The following MLH3 variants were observed in gnomAD, a reference collection of about 807,000 sequenced individuals.
MLH3 encodes the protein DNA mismatch repair protein Mlh3.
MLH3 carries 82 observed loss-of-function variants against 122.2 expected under a neutral mutation model. The ratio of observed to expected loss-of-function variants is 0.67; its 90% confidence interval spans 0.56 to 0.81. MLH3 has a LOEUF of 0.81. MLH3 is among the 30% of genes least tolerant of loss of function. MLH3 has a pLI of 0.00. For synonymous variants in MLH3, 524 were observed against 599.5 expected (o/e 0.87, Z 1.84); for missense variants, 1,539 against 1,714.5 (o/e 0.90, Z 1.81).
chr14:75,022,113 T>C (rs930641030), intron 11 of MLH3, among the ~76,000 whole-genome samples: 3 of 152,138 alleles, frequency 2.0e-5, no homozygotes, highest in Admixed American at 6.5e-5. Flanking sequence ...GAGCCAAACA[T>C]TGAATACACA....
At position 75,046,949 on chromosome 14, in the gene MLH3, C is replaced by G. The variant is rs754359771; in HGVS notation, c.2707G>C (p.Asp903His). The change falls in exon 2 of 13, where the codon GAT (aspartate) becomes CAT (histidine). Residue 903 changes from aspartate (D) to histidine (H), a missense_variant. Physicochemically the swap from Asp to His is moderately conservative, Grantham distance 81. Transcript: ENST00000355774. ...MSRFNELPNS[D>H]SSRKDSKLCS... is the part of the protein sequence containing the mutation. ...AACTTGCTGTCTTTCCTACTGGAATCTGAATTTGGAAGTTCATTAAAACGA... is the reference window on the plus strand; with the variant it reads ...AACTTGCTGTCTTTCCTACTGGAATGTGAATTTGGAAGTTCATTAAAACGA... 1 of 1,614,136 alleles carries G rather than the reference C, an allele frequency of 6.2e-7. No homozygotes were observed. Among genetic ancestry groups the G allele is most frequent in the Non-Finnish European group, 8.5e-7 (1 of 1,180,004 alleles).
In MLH3 at chr14:75,048,597, T is replaced by C; in HGVS notation, c.1059A>G (p.Leu353=). 6.2e-7 allele frequency: 1 copy of C among 1,614,008 alleles called. No homozygotes were observed. Among genetic ancestry groups the C allele is most frequent in the Non-Finnish European group, 8.5e-7 (1 of 1,179,968 alleles). The change falls in exon 2 of 13, where the codon TTA becomes TTG. Residue 353 remains leucine (L), a synonymous_variant. Coordinates refer to ENST00000355774, the MANE Select transcript of MLH3 (RefSeq NM_001040108.2). ...GVKMFLKQEK[L]FVELSGEDIK... ...TATCCTCACCTGATAATTCCACAAA[T>C]AATTTTTCTTGCTTTAAAAACATTT...
At position 75,015,974 on chromosome 14, in the gene MLH3, A is replaced by AC. The variant is rs1428690181; in HGVS notation, c.*1107_*1108insG. ...CATTGCATCATCTTACTAATTGTAT[A>AC]GCACCCCAGTTGCAATAAACATTAC... is the stretch of plus-strand genomic sequence containing the variant. On this transcript the variant is annotated 3_prime_UTR_variant, in exon 13 of 13. Coordinates refer to ENST00000355774, the MANE Select transcript of MLH3 (RefSeq NM_001040108.2). The AC allele has an allele frequency of 4.3e-6, 1 of 231,828 alleles. No individual in the cohort carries two copies. Among genetic ancestry groups the AC allele is most frequent in the Non-Finnish European group, 8.5e-6 (1 of 117,252 alleles). 14.4% of individuals were successfully genotyped at this position (231,828 alleles called of 1,614,324 possible). A position where few individuals can be genotyped will look rare whatever the true frequency, so the allele number is the denominator to read the frequency against.
chr14:75,021,624 G>A (rs960913977), intron 11 of MLH3, among the ~76,000 whole-genome samples: 4 of 152,150 alleles, frequency 2.6e-5, no homozygotes, highest in African/African-American at 4.8e-5. Flanking sequence ...AAATCACAGT[G>A]ACATACCATC....
rs145063005 is a variant in MLH3, at chr14:75,039,846, CATATATATATATATATATAT to C, written c.3570+45_3570+64del. On this transcript the variant is annotated intron_variant, in intron 5 of 12. Transcript: ENST00000355774. ...AAATCAAATTTTAGAAGAGTTAGGC[CATATATATATATATATATAT>C]ATATATATATATATATTTATGAGAT... 0.038 allele frequency: 11,962 copies of C among 317,848 alleles called. 1,309 individuals carry two copies. The highest frequency in any genetic ancestry group is 0.043 in the Non-Finnish European group (8,634 of 199,714). The allele number at this position is 317,848 out of a possible 1,614,324, so 19.7% of individuals were successfully genotyped here. A position where few individuals can be genotyped will look rare whatever the true frequency, so the allele number is the denominator to read the frequency against.
In MLH3 at chr14:75,048,891, G is replaced by A; in HGVS notation, c.765C>T (p.Asn255=). The change falls in exon 2 of 13, where the codon AAC becomes AAT. Residue 255 remains asparagine (N), a synonymous_variant. Coordinates refer to ENST00000355774, the MANE Select transcript of MLH3 (RefSeq NM_001040108.2). ...YNKNMQFLFV[N]KRLVLRTKLH... is the part of the protein sequence containing the mutation. The stretch of plus-strand genomic sequence containing the variant: ...GCTTTGTCCTTAAAACTAGTCTTTT[G>A]TTCACAAACAAAAACTGCATATTCT... 1 of 1,613,710 alleles carries A rather than the reference G, an allele frequency of 6.2e-7. No homozygotes were observed. The highest frequency in any genetic ancestry group is 1.7e-4 in the Middle Eastern group (1 of 6,060).
intron 9 of MLH3, among the ~76,000 whole-genome samples, chr14:75,025,620 C>G (rs1179411550): frequency 2.6e-5 from 4 of 152,152 alleles, no homozygotes; most frequent in Non-Finnish European, 5.9e-5. Flanking sequence ...CCATATTCTC[C>G]CTGGACAACC....
chr14:75,041,692 C>T lies in MLH3; in HGVS notation c.3388G>A (p.Asp1130Asn), dbSNP rs775592318. The T allele has an allele frequency of 9.3e-6, 15 of 1,613,112 alleles. No individual in the cohort carries two copies. The highest frequency in any genetic ancestry group is 1.2e-5 in the Non-Finnish European group (14 of 1,179,174). The part of the protein sequence containing the change: ...VMRQDNRDTV[D>N]DTVSSESLQS... ...AGCGATTCGCTACTAACAGTATCAT[C>T]CACAGTATCTAGGGCAAAAGGGAAC... The change falls in exon 4 of 13, where the codon GAT (aspartate) becomes AAT (asparagine). Residue 1130 changes from aspartate (D) to asparagine (N), a missense_variant. Asp to Asn is a conservative substitution (Grantham distance 23). Transcript: ENST00000355774.
rs763010714 is a variant in MLH3, at chr14:75,038,396, T to C, written c.3587A>G (p.Asp1196Gly). The change falls in exon 6 of 13, where the codon GAT (aspartate) becomes GGT (glycine). Residue 1196 changes from aspartate (D) to glycine (G), a missense_variant. Transcript: ENST00000355774. The part of the protein sequence containing the change: ...IHSMQVLQQV[D>G]NKFIACLMST... ...CATCAAACAGGCAATAAACTTGTTA[T>C]CTACTTGCTGGAGAACCTGTCAGAC... 1.2e-6 allele frequency: 2 copies of C among 1,613,024 alleles called. No individual in the cohort carries two copies. Among genetic ancestry groups the C allele is most frequent in the Non-Finnish European group, 1.7e-6 (2 of 1,179,050 alleles).
At chr14:75,034,843 C>CACTTGAGGTCAGGAATTCAAGATCAGCTG (rs1414921643) in intron 6 of MLH3, among the ~76,000 whole-genome samples, 2 of 151,830 alleles carry the variant, frequency 1.3e-5, no homozygotes, top group African/African-American at 4.8e-5. Context: ...GAGGGCAGAT[C>CACTTGAGGTCAGGAATTCAAGATCAGCTG]ACTTGAGGTC....
intron 11 of MLH3, among the ~76,000 whole-genome samples, chr14:75,019,743 CCTAAT>C (rs1307263563): frequency 6.6e-6 from 1 of 152,084 alleles, no homozygotes; most frequent in Non-Finnish European, 1.5e-5. Flanking sequence ...TAATAATCTT[CCTAAT>C]CTAAACTCTC....
rs1174375919 is a variant in MLH3 at position 75,039,946 on chromosome 14, AG to A, written c.3534del (p.Tyr1179IlefsTer7). ...LAVKIHNILY[P>X]YRFTKGMIHS... ...TGAATCATTCCTTTGGTGAAACGATAGGGATACAAGATGTTGTGAATTTTAA... is the reference window on the plus strand; with the variant it reads ...TGAATCATTCCTTTGGTGAAACGATAGGATACAAGATGTTGTGAATTTTAA... On this transcript the variant is annotated frameshift_variant, in exon 5 of 13. Coordinates refer to ENST00000355774, the MANE Select transcript of MLH3 (RefSeq NM_001040108.2). LOFTEE classifies it high-confidence loss of function. 1 of 1,586,606 alleles carries A rather than the reference AG, an allele frequency of 6.3e-7. No individual in the cohort carries two copies. The highest frequency in any genetic ancestry group is 1.1e-5 in the South Asian group (1 of 90,588).
Position 75,047,098 on chromosome 14 carries a change from A to C in MLH3, c.2558T>G (p.Leu853Arg). The C allele has an allele frequency of 6.2e-7, 1 of 1,614,174 alleles. No individual in the cohort carries two copies. Among genetic ancestry groups the C allele is most frequent in the Non-Finnish European group, 8.5e-7 (1 of 1,180,012 alleles). ...TCTATTAAAGAGAGATAACTCCTTC[A>C]GGGTCATAGGACTTTCTCTCAAACT... Reference protein sequence around the residue: ...MPSLRESPMTLKELSLFNRKP... With the variant: ...MPSLRESPMTRKELSLFNRKP... Residue 853 changes from leucine to arginine, a missense_variant, in exon 2 of 13, where the codon CTG (leucine) becomes CGG (arginine). By Grantham distance (102) the Leu-to-Arg change is moderately radical. Transcript: ENST00000355774.
intron 6 of MLH3, among the ~76,000 whole-genome samples, chr14:75,037,291 C>A (rs1041151911): frequency 4.6e-5 from 7 of 152,216 alleles, no homozygotes; most frequent in Non-Finnish European, 8.8e-5. Context: ...CTTCCCTGAA[C>A]TCCCTGATGA....
At chr14:75,036,874 C>T (rs1459351773) in intron 6 of MLH3, 1 of 413,758 alleles carries the variant, frequency 2.4e-6, no homozygotes, top group African/African-American at 2.0e-5. Context: ...CACCCTGGTC[C>T]CATCTAACCA....
rs1047878730 is a variant in MLH3, at chr14:75,047,664, T to C, written c.1992A>G (p.Lys664=). ...DIKDLASTLS[K]ESGQLPNKKN... ...TTTTGTTGGGCAATTGACCAGATTC[T>C]TTACTTAAAGTGCTGGCTAAATCTT... Residue 664 remains lysine (K), a synonymous_variant, in exon 2 of 13, where the codon AAA becomes AAG. Coordinates refer to ENST00000355774, the MANE Select transcript of MLH3 (RefSeq NM_001040108.2). The C allele has an allele frequency of 1.9e-6, 3 of 1,613,932 alleles. No individual in the cohort carries two copies. The African/African-American group carries it at 4.0e-5, about 22-fold the overall frequency.
rs137959419 is a variant in MLH3 at position 75,031,421 on chromosome 14, AAC to A, written c.3827+645_3827+646del. Among the ~76,000 whole-genome samples the A allele has an allele frequency of 5.0e-3, 763 of 152,360 alleles. 3 individuals are homozygous for A. The highest frequency in any genetic ancestry group is 0.017 in the African/African-American group (697 of 41,586). ...CTTTGCTTTCACAAAGCATGGCATA[AAC>A]ACAGACTGTTCCAAGAAATGAGAAG... On this transcript the variant is annotated intron_variant, in intron 8 of 12. Coordinates refer to ENST00000355774, the MANE Select transcript of MLH3 (RefSeq NM_001040108.2).
Position 75,047,064 on chromosome 14 carries a change from C to CA in MLH3, c.2591dup (p.Leu864PhefsTer4), listed in dbSNP as rs1221355003. 1.2e-6 allele frequency: 2 copies of CA among 1,613,972 alleles called. No homozygotes were observed. The highest frequency in any genetic ancestry group is 2.7e-5 in the African/African-American group (2 of 74,906). On this transcript the variant is annotated frameshift_variant, in exon 2 of 13. Coordinates refer to ENST00000355774, the MANE Select transcript of MLH3 (RefSeq NM_001040108.2). LOFTEE classifies it high-confidence loss of function. The stretch of plus-strand genomic sequence containing the variant: ...GTGATTCAGATGACTTCTCAAGGTC[C>CA]AAAGGTTTTCTATTAAAGAGAGATA...
intron 9 of MLH3, among the ~76,000 whole-genome samples, chr14:75,024,095 A>G (rs1026043420): frequency 2.6e-5 from 4 of 152,214 alleles, no homozygotes; most frequent in Non-Finnish European, 5.9e-5. Context: ...TTGTAAGCTT[A>G]GTGAAGGGGT....
Sources: allele counts gnomAD v4.1 joint callset (sites outside exome capture counted in the v4.1 genomes callset), GRCh38; gene constraint gnomAD v4.1.1; transcripts MANE v1.5; gene names NCBI Gene and HGNC (gene_info 2026-07-23, HGNC 2026-07-21).